The following MALRD1 variants were observed in gnomAD, a reference collection of about 807,000 sequenced individuals.
MALRD1 encodes MAM and LDL receptor class A domain containing 1, also known as MAM and LDL-receptor class A domain-containing protein 1.
A neutral mutation model predicts 242.1 loss-of-function variants in MALRD1; 247 were observed. The ratio of observed to expected loss-of-function variants is 1.02; its 90% CI spans 0.92 to 1.13. The LOEUF is 1.13. MALRD1 is among the 50% of genes most tolerant of loss of function. The probability of loss-of-function intolerance (pLI) is 0.00; values close to 1 mark genes in which losing one functional copy is unlikely to be tolerated. For missense variants in MALRD1, 2,989 were observed against 2,533.1 expected, an observed-to-expected ratio of 1.18 and a Z score of -3.86; for synonymous variants, 995 against 866.6, an observed-to-expected ratio of 1.15 and a Z score of -2.60.
chr10:19,530,418 A>ATATAAATTTAT (rs1200557957), intron 31 of MALRD1, among the ~76,000 whole-genome samples: 1 of 83,770 alleles, frequency 1.2e-5, no homozygotes, highest in Non-Finnish European at 2.1e-5. Flanking sequence ...TTTATATAAT[A>ATATAAATTTAT]ATAAATATAT....
At chr10:19,088,562 A>T (rs1835761252) in intron 4 of MALRD1, among the ~76,000 whole-genome samples, 2 of 84,132 alleles carry the variant, frequency 2.4e-5, no homozygotes, top group African/African-American at 5.7e-5. Flanking sequence ...TATTTTATAA[A>T]GTTTTTTTTT....
intron 21 of MALRD1, among the ~76,000 whole-genome samples, chr10:19,319,117 T>C (rs1174955959): frequency 2.6e-5 from 4 of 152,196 alleles, no homozygotes; most frequent in African/African-American, 7.2e-5. Context: ...TTACATCATA[T>C]TGATTTTTAT....
At position 19,283,146 on chromosome 10, in the gene MALRD1, G is replaced by C; in HGVS notation, c.3384G>C (p.Gly1128=). ...GGAACGGGATCAGCATTCATCATGG[G>C]GAAGAAAACCACAGGCCATCAGTGG... is the stretch of plus-strand genomic sequence containing the variant. ...GLGNGISIHH[G]EENHRPSVDH... is the part of the protein sequence containing the mutation. Residue 1128 remains glycine (G), a synonymous_variant, in exon 21 of 40, where the codon GGG becomes GGC. Coordinates refer to ENST00000454679, the MANE Select transcript of MALRD1 (RefSeq NM_001142308.3). 6.5e-7 allele frequency: 1 copy of C among 1,548,498 alleles called. No individual in the cohort carries two copies.
chr10:19,599,271 C>T (rs1257766834), intron 34 of MALRD1, among the ~76,000 whole-genome samples: 1 of 151,998 alleles, frequency 6.6e-6, no homozygotes, highest in Non-Finnish European at 1.5e-5. Context: ...TATTTACAGG[C>T]CTTTATTTTT....
Position 19,498,490 on chromosome 10 carries a change from T to G in MALRD1, c.5164T>G (p.Tyr1722Asp), listed in dbSNP as rs1837825334. The change falls in exon 31 of 40, where the codon TAT becomes GAT. Residue 1722 changes from tyrosine (Y) to aspartate (D), a missense_variant. By Grantham distance (160) the Tyr-to-Asp change is radical. Transcript: ENST00000454679. ...DRSDEAHCAH[Y>D]TSTTGSCNFE... ...TAATGTTTTTGCTTCCCCAGCACAT[T>G]ATACAAGCACAACAGGAAGCTGCAA... The G allele has an allele frequency of 3.9e-6, 6 of 1,549,608 alleles. No homozygotes were observed. The highest frequency in any genetic ancestry group is 1.7e-4 in the Middle Eastern group (1 of 6,010).
At chr10:19,590,418 GT>G (rs1470600649) in intron 33 of MALRD1, among the ~76,000 whole-genome samples, 1 of 148,468 alleles carries the variant, frequency 6.7e-6, no homozygotes, top group Non-Finnish European at 1.5e-5. Context: ...TATATAGGTG[GT>G]TAGATATCTA....
At chr10:19,349,452 A>G (rs1208528061) in intron 25 of MALRD1, among the ~76,000 whole-genome samples, 1 of 152,210 alleles carries the variant, frequency 6.6e-6, no homozygotes, top group Non-Finnish European at 1.5e-5. Context: ...GAGCAATTTC[A>G]TCTATCACAT....
intron 28 of MALRD1, among the ~76,000 whole-genome samples, chr10:19,446,130 T>C (rs1461643599): frequency 6.6e-6 from 1 of 152,122 alleles, no homozygotes; most frequent in African/African-American, 2.4e-5. Flanking sequence ...GCTAAGACCA[T>C]TGGAAAAGTG....
chr10:19,731,590 C>T (rs981368315), intron 39 of MALRD1, among the ~76,000 whole-genome samples: 1 of 151,842 alleles, frequency 6.6e-6, no homozygotes, highest in Non-Finnish European at 1.5e-5. Flanking sequence ...ACATGCTATA[C>T]ATTAGATCCC....
chr10:19,694,191 A>G (rs1833254126), intron 38 of MALRD1, among the ~76,000 whole-genome samples: 1 of 152,244 alleles, frequency 6.6e-6, no homozygotes. Context: ...CCAAAACACC[A>G]AAAGCAATGG....
At chr10:19,126,929 C>T (rs181383854) in intron 7 of MALRD1, among the ~76,000 whole-genome samples, 1 of 151,738 alleles carries the variant, frequency 6.6e-6, no homozygotes, top group East Asian at 1.9e-4. Context: ...CCTCAACAGT[C>T]CCCAGTGTGT....
At chr10:19,578,701 GGTT>G (rs1836952608) in intron 33 of MALRD1, among the ~76,000 whole-genome samples, 1 of 148,134 alleles carries the variant, frequency 6.8e-6, no homozygotes, top group Admixed American at 6.7e-5. Flanking sequence ...CTCATGGCTG[GGTT>G]TTTTTTTTTT....
intron 28 of MALRD1, among the ~76,000 whole-genome samples, chr10:19,440,017 C>A (rs1589075729): frequency 6.6e-6 from 1 of 152,158 alleles, no homozygotes; most frequent in African/African-American, 2.4e-5. Flanking sequence ...TGCTGCAAAA[C>A]ATTTCCTGGG....
At chr10:19,597,829 A>G (rs1425976379) in intron 34 of MALRD1, among the ~76,000 whole-genome samples, 1 of 152,210 alleles carries the variant, frequency 6.6e-6, no homozygotes, top group Admixed American at 6.5e-5. Context: ...CATTTTCACA[A>G]GAGTAGTGAT....
chr10:19,212,267 A>G (rs1003819320), intron 18 of MALRD1, among the ~76,000 whole-genome samples: 28 of 152,290 alleles, frequency 1.8e-4, no homozygotes, highest in African/African-American at 6.5e-4. Flanking sequence ...CTTAACAACC[A>G]CCGAACTGCT....
intron 32 of MALRD1, among the ~76,000 whole-genome samples, chr10:19,565,381 G>T (rs969882649): frequency 6.6e-6 from 1 of 151,980 alleles, no homozygotes; most frequent in Non-Finnish European, 1.5e-5. Context: ...CTGAGGTTTG[G>T]GGAAAAACAA....
At chr10:19,606,250 A>C (rs968358852) in intron 34 of MALRD1, among the ~76,000 whole-genome samples, 1 of 152,182 alleles carries the variant, frequency 6.6e-6, no homozygotes, top group African/African-American at 2.4e-5. Flanking sequence ...GGTCATTTAA[A>C]TAATTTACTT....
chr10:19,621,351 TAAAA>T (rs56041015), intron 36 of MALRD1, among the ~76,000 whole-genome samples: 10 of 121,842 alleles, frequency 8.2e-5, no homozygotes, highest in Admixed American at 2.5e-4. Context: ...TAAAAATATG[TAAAA>T]AAAAAAAAAA....
chr10:19,165,265 A>ATATATATATATATATATT, intron 12 of MALRD1, among the ~76,000 whole-genome samples: 1 of 130,308 alleles, frequency 7.7e-6, no homozygotes, highest in African/African-American at 3.2e-5. Context: ...ATATATATAT[A>ATATATATATATATATATT]TTTTGTTTTG....
Sources: gnomAD v4.1 joint callset for allele counts (sites outside exome capture counted in the v4.1 genomes callset) on GRCh38, gnomAD v4.1.1 for gene constraint, MANE v1.5 for transcripts, NCBI Gene and HGNC (gene_info 2026-07-23, HGNC 2026-07-21) for gene names.